The following C14orf119 variants were observed in gnomAD, a reference collection of about 807,000 sequenced individuals.
C14orf119 encodes chromosome 14 open reading frame 119, also known as uncharacterized protein C14orf119.
In C14orf119, 17 loss-of-function variants were observed where a neutral mutation model predicts 13.5. That is an observed-to-expected ratio of 1.26 (90% CI 0.86 to 1.88). C14orf119 has a LOEUF of 1.88. C14orf119 is among the 40% of genes most tolerant of loss of function. C14orf119 has a pLI of 0.00. For synonymous variants in C14orf119, 61 were observed against 61.9 expected (o/e 0.99, Z 0.07); for missense variants, 162 against 165.9 (o/e 0.98, Z 0.13).
rs1215068944 is a variant in C14orf119, at chr14:23,097,648, T to C, written c.-1-10T>C. 5 of 1,610,608 alleles carry C rather than the reference T, an allele frequency of 3.1e-6. No homozygotes were observed. Among genetic ancestry groups the C allele is most frequent in the African/African-American group, 1.3e-5 (1 of 74,876 alleles). Reference sequence around the variant, plus strand: ...CCTGGAGAGCATATAACAGTGCTTTTATGTTTCAGGATGCCACTGGAGTCA... The same window carrying C: ...CCTGGAGAGCATATAACAGTGCTTTCATGTTTCAGGATGCCACTGGAGTCA... On this transcript the variant is annotated splice_polypyrimidine_tract_variant and intron_variant, in intron 1 of 1. Coordinates refer to ENST00000319074, the MANE Select transcript of C14orf119 (RefSeq NM_017924.4).
At position 23,098,299 on chromosome 14, in the gene C14orf119, A is replaced by G. The variant is rs2048402401; in HGVS notation, c.*218A>G. ...ATCAATCTAAGCAATCCAGCTCATC[A>G]GTCTACTAGTTTGCTTCTTTCCGAG... On this transcript the variant is annotated 3_prime_UTR_variant, in exon 2 of 2. Coordinates refer to ENST00000319074, the MANE Select transcript of C14orf119 (RefSeq NM_017924.4). 1.8e-6 allele frequency: 1 copy of G among 551,408 alleles called. No individual in the cohort carries two copies. The highest frequency in any genetic ancestry group is 1.9e-5 in the African/African-American group (1 of 52,978). The allele number at this position is 551,408 out of a possible 1,614,324, so 34.2% of individuals were successfully genotyped here. A position where few individuals can be genotyped will look rare whatever the true frequency, so the allele number is the denominator to read the frequency against.
In C14orf119 at chr14:23,097,663, C is replaced by T. The variant is rs767905252; in HGVS notation, c.5C>T (p.Pro2Leu). M[P>L]LESSSSMPLS... ...ACAGTGCTTTTATGTTTCAGGATGC[C>T]ACTGGAGTCATCCTCTTCAATGCCA... The change falls in exon 2 of 2, where the codon CCA becomes CTA. Residue 2 changes from proline (P) to leucine (L), a missense_variant. Coordinates refer to ENST00000319074, the MANE Select transcript of C14orf119 (RefSeq NM_017924.4). 1 of 1,612,916 alleles carries T rather than the reference C, an allele frequency of 6.2e-7. No homozygotes were observed. Among genetic ancestry groups the T allele is most frequent in the Non-Finnish European group, 8.5e-7 (1 of 1,178,998 alleles).
In C14orf119 at chr14:23,098,691, CTT is replaced by C. The variant is rs2048405953; in HGVS notation, c.*611_*612del. ...TTTTTTTTAAAAACATGGGTTGTCA[CTT>C]AAGTTTGGAGTGCAGTGGCATGATC... is the stretch of plus-strand genomic sequence containing the variant. On this transcript the variant is annotated 3_prime_UTR_variant, in exon 2 of 2. Transcript: ENST00000319074. 1.2e-5 allele frequency: 2 copies of C among 167,766 alleles called. No homozygotes were observed. The highest frequency in any genetic ancestry group is 4.0e-4 in the South Asian group (2 of 4,966). 10.4% of individuals were successfully genotyped at this position (167,766 alleles called of 1,614,324 possible).
chr14:23,097,513 A>T, intron 1 of C14orf119, 145 bp from the exon 2 acceptor site: 1 of 678,294 alleles, frequency 1.5e-6, no homozygotes, highest in Non-Finnish European at 2.5e-6. Context: ...TAAATAAAGG[A>T]CTCTTATTAT....
At chr14:23,096,797 G>T (rs185184546) in intron 1 of C14orf119, among the ~76,000 whole-genome samples, 3 of 151,914 alleles carry the variant, frequency 2.0e-5, no homozygotes, top group African/African-American at 7.3e-5. Flanking sequence ...GGCTGGTCTC[G>T]AACACCTGGG....
intron 1 of C14orf119, among the ~76,000 whole-genome samples, chr14:23,095,825 G>A (rs77459724): frequency 0.02 from 2,984 of 152,288 alleles, 53 homozygotes; most frequent in South Asian, 0.058. Context: ...GGGTGCGCAA[G>A]AAGCATCGCC....
intron 1 of C14orf119, among the ~76,000 whole-genome samples, chr14:23,096,944 T>G (rs1451478824): frequency 6.6e-6 from 1 of 152,178 alleles, no homozygotes; most frequent in Non-Finnish European, 1.5e-5. Flanking sequence ...AGTATAACAC[T>G]TGTTAGATCT....
rs2048398919 is a variant in C14orf119 at position 23,097,937 on chromosome 14, G to C, written c.279G>C (p.Glu93Asp). 1.9e-6 allele frequency: 3 copies of C among 1,614,204 alleles called. No homozygotes were observed. Among genetic ancestry groups the C allele is most frequent in the African/African-American group, 2.7e-5 (2 of 75,054 alleles). Residue 93 changes from glutamate to aspartate, a missense_variant, in exon 2 of 2, where the codon GAG becomes GAC. Transcript: ENST00000319074. ...SGADRPPSIF[E>D]CQLHLWDQWF... ...CAGACCGACCACCTTCTATCTTTGA[G>C]TGCCAGCTACATCTTTGGGATCAGT...
At position 23,095,633 on chromosome 14, in the gene C14orf119, A is replaced by G. The variant is rs948615868; in HGVS notation, c.-2+14A>G. ...AGAAAAGGGGAGGTAAGCGGGGTAG[A>G]AGTACCTCTATGGGCCGGGTCAGAC... On this transcript the variant is annotated intron_variant, in intron 1 of 1. Coordinates refer to ENST00000319074, the MANE Select transcript of C14orf119 (RefSeq NM_017924.4). 4 of 289,708 alleles carry G rather than the reference A, an allele frequency of 1.4e-5. No homozygotes were observed. The highest frequency in any genetic ancestry group is 9.7e-5 in the Admixed American group (2 of 20,608). 17.9% of individuals were successfully genotyped at this position (289,708 alleles called of 1,614,324 possible).
Position 23,097,695 on chromosome 14 carries a change from T to A in C14orf119, c.37T>A (p.Phe13Ile). Residue 13 changes from phenylalanine (F) to isoleucine (I), a missense_variant, in exon 2 of 2, where the codon TTC (phenylalanine) becomes ATC (isoleucine). Coordinates refer to ENST00000319074, the MANE Select transcript of C14orf119 (RefSeq NM_017924.4). Reference protein sequence around the residue: ...LESSSSMPLSFPSLLPSVPHN... With the variant: ...LESSSSMPLSIPSLLPSVPHN... ...GTCATCCTCTTCAATGCCACTATCC[T>A]TCCCATCTCTCTTACCCTCAGTACC... 2 of 1,614,152 alleles carry A rather than the reference T, an allele frequency of 1.2e-6. No individual in the cohort carries two copies. The highest frequency in any genetic ancestry group is 1.7e-6 in the Non-Finnish European group (2 of 1,180,016).
intron 1 of C14orf119, among the ~76,000 whole-genome samples, chr14:23,095,896 T>C (rs1333800110): frequency 1.3e-5 from 2 of 152,180 alleles, no homozygotes; most frequent in African/African-American, 4.8e-5. Flanking sequence ...TGAGTTTGCC[T>C]TGGAAGCCAT....
At position 23,098,738 on chromosome 14, in the gene C14orf119, C is replaced by T. The variant is rs1332153993; in HGVS notation, c.*657C>T. ...ATGATCATCAGTGAGCGTGAGATCA[C>T]TGTAACCTCAAATTCTAGGCTGAAG... On this transcript the variant is annotated 3_prime_UTR_variant, in exon 2 of 2. Transcript: ENST00000319074. 1 of 166,084 alleles carries T rather than the reference C, an allele frequency of 6.0e-6. No homozygotes were observed. The highest frequency in any genetic ancestry group is 1.5e-5 in the Non-Finnish European group (1 of 68,478). The allele number at this position is 166,084 out of a possible 1,614,324, so 10.3% of individuals were successfully genotyped here.
chr14:23,097,704 C>G lies in C14orf119; in HGVS notation c.46C>G (p.Leu16Val), dbSNP rs35065609. 1.8e-3 allele frequency: 2,918 copies of G among 1,614,172 alleles called. 45 individuals carry two copies. In the African/African-American group the frequency reaches 0.034, roughly 19 times the overall value. Reference sequence around the variant, plus strand: ...TTCAATGCCACTATCCTTCCCATCTCTCTTACCCTCAGTACCACACAATAC... The same window carrying G: ...TTCAATGCCACTATCCTTCCCATCTGTCTTACCCTCAGTACCACACAATAC... ...SSSMPLSFPS[L>V]LPSVPHNTNP... The change falls in exon 2 of 2, where the codon CTC (leucine) becomes GTC (valine). Residue 16 changes from leucine (L) to valine (V), a missense_variant. By Grantham distance (32) the Leu-to-Val change is conservative. Transcript: ENST00000319074.
At chr14:23,097,136 G>T (rs1359379256) in intron 1 of C14orf119, among the ~76,000 whole-genome samples, 1 of 151,692 alleles carries the variant, frequency 6.6e-6, no homozygotes, top group Admixed American at 6.6e-5. Flanking sequence ...TATTTCAGAG[G>T]CTTATATGCA....
chr14:23,098,014 A>C lies in C14orf119; in HGVS notation c.356A>C (p.Glu119Ala). 5.6e-6 allele frequency: 9 copies of C among 1,614,128 alleles called. No homozygotes were observed. The highest frequency in any genetic ancestry group is 7.6e-6 in the Non-Finnish European group (9 of 1,180,028). The change falls in exon 2 of 2, where the codon GAG (glutamate) becomes GCG (alanine). Residue 119 changes from glutamate to alanine, a missense_variant. By Grantham distance (107) the Glu-to-Ala change is moderately radical. Transcript: ENST00000319074. Reference protein sequence around the residue: ...QERNEFVRQLEFSEPDFVAKF... With the variant: ...QERNEFVRQLAFSEPDFVAKF... ...CGCAATGAATTTGTCAGACAGCTGGAGTTCAGTGAGCCAGACTTCGTGGCA... is the reference window on the plus strand; with the variant it reads ...CGCAATGAATTTGTCAGACAGCTGGCGTTCAGTGAGCCAGACTTCGTGGCA...
Position 23,097,995 on chromosome 14 carries a change from G to GA in C14orf119, c.339dup (p.Phe114IlefsTer9), listed in dbSNP as rs773470859. 9.3e-6 allele frequency: 15 copies of GA among 1,614,066 alleles called. No individual in the cohort carries two copies. In the South Asian group the frequency reaches 1.3e-4, roughly 14 times the overall value. ...AGGCTGGGCTGAGCAGGAGCGCAAT[G>GA]AATTTGTCAGACAGCTGGAGTTCAG... On this transcript the variant is annotated frameshift_variant, in exon 2 of 2. Transcript: ENST00000319074. LOFTEE classifies it high-confidence loss of function.
In C14orf119 at chr14:23,098,769, T is replaced by G. The variant is rs573142701; in HGVS notation, c.*688T>G. On this transcript the variant is annotated 3_prime_UTR_variant, in exon 2 of 2. Transcript: ENST00000319074. Reference sequence around the variant, plus strand: ...CCTCAAATTCTAGGCTGAAGTAATCTTTCTGCCTCAGTCTCCTGAGTATCT... The same window carrying G: ...CCTCAAATTCTAGGCTGAAGTAATCGTTCTGCCTCAGTCTCCTGAGTATCT... 2 of 164,092 alleles carry G rather than the reference T, an allele frequency of 1.2e-5. No homozygotes were observed. The highest frequency in any genetic ancestry group is 2.4e-5 in the African/African-American group (1 of 41,404). The allele number at this position is 164,092 out of a possible 1,614,324, so 10.2% of individuals were successfully genotyped here.
rs1471884975 is a variant in C14orf119, at chr14:23,098,986, G to GTGA, written c.*907_*909dup. The GTGA allele has an allele frequency of 1.8e-5, 4 of 223,692 alleles. No individual in the cohort carries two copies. The highest frequency in any genetic ancestry group is 9.1e-5 in the African/African-American group (4 of 43,804). 13.9% of individuals were successfully genotyped at this position (223,692 alleles called of 1,614,324 possible). A position where few individuals can be genotyped will look rare whatever the true frequency, so the allele number is the denominator to read the frequency against. On this transcript the variant is annotated 3_prime_UTR_variant, in exon 2 of 2. Transcript: ENST00000319074. ...TGGCCTTTTTCTAAGGCATATGTAT[G>GTGA]TGATATTCTTGGAACTGGTAGCAGG...
chr14:23,096,435 C>T (rs2048373114), intron 1 of C14orf119, among the ~76,000 whole-genome samples: 1 of 139,870 alleles, frequency 7.1e-6, no homozygotes. Context: ...AGGAGAATCG[C>T]TTGAACCCAG....
Sources: gnomAD v4.1 joint callset for allele counts (sites outside exome capture counted in the v4.1 genomes callset) on GRCh38, gnomAD v4.1.1 for gene constraint, MANE v1.5 for transcripts, NCBI Gene and HGNC (gene_info 2026-07-23, HGNC 2026-07-21) for gene names.